The following CNTNAP2 variants were observed in gnomAD, a reference collection of about 807,000 sequenced individuals.
CNTNAP2 encodes the protein contactin associated protein 2.
CNTNAP2 carries 98 observed loss-of-function variants against 155.2 expected under a neutral mutation model. The ratio of observed to expected loss-of-function variants is 0.63; its 90% CI spans 0.54 to 0.75. The LOEUF (loss-of-function observed/expected upper bound fraction) is 0.75. Among genes scored for constraint, CNTNAP2 ranks in the 30% least tolerant of loss-of-function variants. CNTNAP2 has a pLI of 0.00. For missense variants in CNTNAP2, 1,727 were observed against 1,688.1 expected, an observed-to-expected ratio of 1.02 and a Z score of -0.40; for synonymous variants, 651 against 631.2, an observed-to-expected ratio of 1.03 and a Z score of -0.47.
chr7:147,853,461 C>CTATT (rs1331206740), intron 13 of CNTNAP2, among the ~76,000 whole-genome samples: 1 of 151,840 alleles, frequency 6.6e-6, no homozygotes, highest in East Asian at 1.9e-4. Flanking sequence ...TTTAAAAATC[C>CTATT]TATTTATTTA....
chr7:146,925,813 C>A (rs1796597059), intron 3 of CNTNAP2, among the ~76,000 whole-genome samples: 1 of 152,106 alleles, frequency 6.6e-6, no homozygotes, highest in Non-Finnish European at 1.5e-5. Context: ...ATTCAGCTAA[C>A]CTTTTGGTCA....
intron 14 of CNTNAP2, among the ~76,000 whole-genome samples, chr7:147,951,755 A>C (rs2246605): frequency 0.85 from 127,586 of 150,580 alleles, 54,374 homozygotes; most frequent in South Asian, 0.93. Context: ...ACAACATACA[A>C]GGGGGGCCTG....
At chr7:146,506,151 T>A (rs1797380979) in intron 1 of CNTNAP2, among the ~76,000 whole-genome samples, 1 of 152,168 alleles carries the variant, frequency 6.6e-6, no homozygotes, top group Non-Finnish European at 1.5e-5. Context: ...TTGTATGTTG[T>A]TGGTTGGCCA....
intron 1 of CNTNAP2, among the ~76,000 whole-genome samples, chr7:146,654,529 G>T (rs1418158825): frequency 6.6e-6 from 1 of 152,086 alleles, no homozygotes; most frequent in Non-Finnish European, 1.5e-5. Context: ...AAATATTAAA[G>T]ATTAAGAATA....
intron 1 of CNTNAP2, among the ~76,000 whole-genome samples, chr7:146,125,581 CA>C (rs57234097): frequency 0.054 from 3,177 of 58,598 alleles, 27 homozygotes; most frequent in African/African-American, 0.17. Flanking sequence ...ACTCCGTCTC[CA>C]AAAAAAAAAA....
chr7:146,216,015 G>T (rs888086368), intron 1 of CNTNAP2, among the ~76,000 whole-genome samples: 1 of 152,194 alleles, frequency 6.6e-6, no homozygotes, highest in Admixed American at 6.5e-5. Flanking sequence ...GAGGCCAGTT[G>T]CTAAAGTCAA....
intron 2 of CNTNAP2, among the ~76,000 whole-genome samples, chr7:146,828,869 T>G (rs915824633): frequency 6.6e-6 from 1 of 152,064 alleles, no homozygotes; most frequent in Non-Finnish European, 1.5e-5. Context: ...GGTATGTTTG[T>G]TTTTACACTC....
Position 147,120,973 on chromosome 7 carries a change from A to T in CNTNAP2, c.755-6A>T, listed in dbSNP as rs376466129. Reference sequence around the variant, plus strand: ...CATTGTTTCTTTTTCACTTCTGTGTACGCAGGAAGCAACCAGCTTGGCCCC... The same window carrying T: ...CATTGTTTCTTTTTCACTTCTGTGTTCGCAGGAAGCAACCAGCTTGGCCCC... On this transcript the variant is annotated splice_polypyrimidine_tract_variant and splice_region_variant and intron_variant, in intron 5 of 23. Transcript: ENST00000361727. The T allele has an allele frequency of 6.7e-5, 108 of 1,613,122 alleles. No homozygotes were observed. The highest frequency in any genetic ancestry group is 8.8e-5 in the Non-Finnish European group (104 of 1,179,844).
intron 1 of CNTNAP2, among the ~76,000 whole-genome samples, chr7:146,157,607 G>T (rs899407344): frequency 6.6e-6 from 1 of 152,120 alleles, no homozygotes; most frequent in Admixed American, 6.5e-5. Flanking sequence ...TGGCTTGGAG[G>T]GTCCCATGCC....
intron 3 of CNTNAP2, among the ~76,000 whole-genome samples, chr7:146,987,241 G>A (rs940604619): frequency 1.3e-5 from 2 of 152,024 alleles, no homozygotes; most frequent in Admixed American, 6.6e-5. Context: ...AATGTTTCAA[G>A]GTATACTTGA....
At position 146,821,591 on chromosome 7, in the gene CNTNAP2, C is replaced by T. The variant is rs189215968; in HGVS notation, c.209-18120C>T. Among the ~76,000 whole-genome samples the T allele has an allele frequency of 9.9e-3, 1,514 of 152,162 alleles. 25 individuals carry two copies. Among genetic ancestry groups the T allele is most frequent in the African/African-American group, 0.033 (1,364 of 41,512 alleles). ...TACTCATCTGACAAAGGGCTAATAT[C>T]CAGAATCTACAATGAACTCCAACAA... On this transcript the variant is annotated intron_variant, in intron 2 of 23. Transcript: ENST00000361727.
chr7:148,394,055 G>T (rs1799412319), intron 22 of CNTNAP2, among the ~76,000 whole-genome samples: 1 of 151,690 alleles, frequency 6.6e-6, no homozygotes, highest in Admixed American at 6.6e-5. Flanking sequence ...ATTTTACATG[G>T]TGAAATGTAA....
chr7:147,613,560 G>A (rs1196323712), intron 12 of CNTNAP2, among the ~76,000 whole-genome samples: 5 of 152,104 alleles, frequency 3.3e-5, no homozygotes, highest in East Asian at 1.9e-4. Flanking sequence ...AGAAAAAGCC[G>A]GATGCAGTGG....
At chr7:148,144,424 G>T (rs1805135950) in intron 16 of CNTNAP2, among the ~76,000 whole-genome samples, 1 of 152,226 alleles carries the variant, frequency 6.6e-6, no homozygotes, top group Non-Finnish European at 1.5e-5. Context: ...CCCTGCAAGG[G>T]AAAGCAATGT....
intron 15 of CNTNAP2, among the ~76,000 whole-genome samples, chr7:147,981,328 C>G (rs1228790232): frequency 6.6e-6 from 1 of 152,178 alleles, no homozygotes; most frequent in African/African-American, 2.4e-5. Context: ...CTAGCCTCAG[C>G]CACACATGTC....
At chr7:146,937,110 G>A (rs1056170800) in intron 3 of CNTNAP2, among the ~76,000 whole-genome samples, 8 of 151,992 alleles carry the variant, frequency 5.3e-5, no homozygotes, top group Non-Finnish European at 1.0e-4. Flanking sequence ...AAAACCGGCC[G>A]GGCGCAGTGG....
At chr7:146,149,879 GAAA>G (rs377385260) in intron 1 of CNTNAP2, among the ~76,000 whole-genome samples, 8 of 59,552 alleles carry the variant, frequency 1.3e-4, no homozygotes, top group East Asian at 5.2e-4. Context: ...TAGCCACAAA[GAAA>G]AAAAAAAAAA....
chr7:148,145,836 A>G (rs766808895), intron 16 of CNTNAP2, among the ~76,000 whole-genome samples: 2 of 152,198 alleles, frequency 1.3e-5, no homozygotes, highest in Non-Finnish European at 2.9e-5. Flanking sequence ...TGACCCCTGG[A>G]GGCAGGGGCT....
At chr7:146,329,462 G>A (rs530974562) in intron 1 of CNTNAP2, among the ~76,000 whole-genome samples, 1 of 152,226 alleles carries the variant, frequency 6.6e-6, no homozygotes, top group South Asian at 2.1e-4. Flanking sequence ...TCAAGCGTGA[G>A]TGTTCATCTT....
Sources: allele counts gnomAD v4.1 joint callset (sites outside exome capture counted in the v4.1 genomes callset), GRCh38; gene constraint gnomAD v4.1.1; transcripts MANE v1.5; gene names NCBI Gene and HGNC (gene_info 2026-07-23, HGNC 2026-07-21).